The following MAST4 variants were observed in gnomAD, a reference collection of about 807,000 sequenced individuals.
MAST4 encodes microtubule associated serine/threonine kinase family member 4.
Under a neutral mutation model 162.7 loss-of-function variants are expected in MAST4, and 89 were observed. The ratio of observed to expected loss-of-function variants is 0.55; its 90% CI spans 0.46 to 0.65. The LOEUF is 0.65. MAST4 is among the 30% of genes least tolerant of loss of function. The pLI is 0.00. For missense variants in MAST4, 3,153 were observed against 3,374.0 expected, an observed-to-expected ratio of 0.93 and a Z score of 1.62; for synonymous variants, 1,479 against 1,361.1, an observed-to-expected ratio of 1.09 and a Z score of -1.91.
chr5:67,079,304 CT>C (rs1206768919), intron 5 of MAST4, among the ~76,000 whole-genome samples: 1 of 151,808 alleles, frequency 6.6e-6, no homozygotes, highest in African/African-American at 2.4e-5. Flanking sequence ...TTTAGATGGG[CT>C]AACACAGAAA....
At chr5:67,061,488 G>T (rs565869636) in intron 5 of MAST4, among the ~76,000 whole-genome samples, 1 of 149,276 alleles carries the variant, frequency 6.7e-6, no homozygotes, top group South Asian at 2.1e-4. Context: ...TTTTCAATTT[G>T]CCATTTCCCT....
Position 66,953,442 on chromosome 5 carries a change from A to G in MAST4, c.674+53460A>G, listed in dbSNP as rs147702360. Among the ~76,000 whole-genome samples, 727 of 152,188 alleles carry G rather than the reference A, an allele frequency of 4.8e-3. 6 individuals carry two copies. The highest frequency in any genetic ancestry group is 0.016 in the African/African-American group (684 of 41,520). Reference sequence around the variant, plus strand: ...TAAGCAGTGGTGAAGCTTATTTTGTATGTAGTTTGGATCATATTGCTTTTA... The same window carrying G: ...TAAGCAGTGGTGAAGCTTATTTTGTGTGTAGTTTGGATCATATTGCTTTTA... On this transcript the variant is annotated intron_variant, in intron 4 of 28. Transcript: ENST00000403625.
chr5:66,977,262 G>C (rs1324643897), intron 4 of MAST4, among the ~76,000 whole-genome samples: 1 of 152,058 alleles, frequency 6.6e-6, no homozygotes. Flanking sequence ...CACCACGCCT[G>C]GCTAATTTTG....
chr5:67,075,279 C>T (rs943811422), intron 5 of MAST4, among the ~76,000 whole-genome samples: 4 of 151,478 alleles, frequency 2.6e-5, no homozygotes, highest in Non-Finnish European at 5.9e-5. Context: ...TCAGGTGATC[C>T]TCCCACCTCA....
intron 4 of MAST4, among the ~76,000 whole-genome samples, chr5:66,912,379 C>A (rs1236572100): frequency 3.9e-5 from 6 of 152,158 alleles, no homozygotes. Flanking sequence ...AATCAAGAAT[C>A]AATTATCTGC....
chr5:67,164,816 C>A lies in MAST4; in HGVS notation c.5637C>A (p.Pro1879=). ...SYLLEPWFLP[P]SRGLQNSPAV... ...TGCTGGAGCCTTGGTTCCTGCCCCC[C>A]AGCCGAGGTCTCCAGAATTCACCAG... The change falls in exon 29 of 29, where the codon CCC becomes CCA. Residue 1879 remains proline (P), a synonymous_variant. Coordinates refer to ENST00000403625, the MANE Select transcript of MAST4 (RefSeq NM_001164664.2). The surrounding 1 kb of genome is among the most constrained non-coding windows in gnomAD (Gnocchi z 5.3). 6.2e-7 allele frequency: 1 copy of A among 1,614,018 alleles called. No homozygotes were observed. Among genetic ancestry groups the A allele is most frequent in the Non-Finnish European group, 8.5e-7 (1 of 1,179,892 alleles).
intron 4 of MAST4, among the ~76,000 whole-genome samples, chr5:67,013,910 A>T (rs1752979591): frequency 6.6e-6 from 1 of 152,216 alleles, no homozygotes; most frequent in South Asian, 2.1e-4. Flanking sequence ...AGTGGCTATT[A>T]TGTAATGTTA....
Position 66,703,060 on chromosome 5 carries a change from A to G in MAST4, c.364-56649A>G, listed in dbSNP as rs895804454. 5.3e-5 allele frequency among the ~76,000 whole-genome samples: 8 copies of G among 152,220 alleles called. No homozygotes were observed. The East Asian group carries it at 1.5e-3, about 29-fold the overall frequency. ...AGGATTCATTATGGATTAAATGCAC[A>G]TCCTTGTGGCTCCCCTCCCCTGACG... On this transcript the variant is annotated intron_variant, in intron 1 of 28. Transcript: ENST00000403625.
chr5:66,941,935 T>C (rs1486099478), intron 4 of MAST4, among the ~76,000 whole-genome samples: 2 of 152,090 alleles, frequency 1.3e-5, no homozygotes, highest in Non-Finnish European at 2.9e-5. Context: ...TCAGAACACA[T>C]AGAACAATTA....
At chr5:67,033,598 A>G (rs887930388) in intron 4 of MAST4, among the ~76,000 whole-genome samples, 2 of 152,190 alleles carry the variant, frequency 1.3e-5, no homozygotes, top group Non-Finnish European at 2.9e-5. Flanking sequence ...TTACAATGCT[A>G]AAGCAGTGAT....
At chr5:67,147,867 G>A (rs1368871200) in intron 23 of MAST4, among the ~76,000 whole-genome samples, 1 of 152,172 alleles carries the variant, frequency 6.6e-6, no homozygotes, top group Non-Finnish European at 1.5e-5. Context: ...TCCCTTTGTT[G>A]GTCAGATGGG....
chr5:66,780,382 C>T (rs1754804388), intron 2 of MAST4, among the ~76,000 whole-genome samples: 1 of 152,158 alleles, frequency 6.6e-6, no homozygotes, highest in African/African-American at 2.4e-5. Context: ...AAGCTGCAGA[C>T]CTTCGCAGTG....
At chr5:66,787,047 A>G (rs1292344326) in intron 2 of MAST4, among the ~76,000 whole-genome samples, 1 of 152,224 alleles carries the variant, frequency 6.6e-6, no homozygotes, top group Non-Finnish European at 1.5e-5. Context: ...GATGATAGGT[A>G]ATTTTTGTTC....
chr5:66,976,423 G>A (rs1161770741), intron 4 of MAST4, among the ~76,000 whole-genome samples: 3 of 152,214 alleles, frequency 2.0e-5, no homozygotes, highest in Non-Finnish European at 4.4e-5. Context: ...GCTTCTGTGA[G>A]CCAAGCACAA....
At chr5:66,798,368 G>A (rs1180802294) in intron 3 of MAST4, among the ~76,000 whole-genome samples, 1 of 152,140 alleles carries the variant, frequency 6.6e-6, no homozygotes, top group African/African-American at 2.4e-5. Flanking sequence ...CAAATAATAT[G>A]TAGAGGCATA....
rs560522751 is a variant in MAST4 at position 67,024,301 on chromosome 5, A to C, written c.675-30103A>C. Among the ~76,000 whole-genome samples the C allele has an allele frequency of 1.2e-4, 18 of 148,276 alleles. No homozygotes were observed. In the South Asian group the frequency reaches 3.9e-3, roughly 32 times the overall value. ...CACGATGGAACACTGTTCAGCCTGAAACAAGGAAGATATATATATATATCT... is the reference window on the plus strand; with the variant it reads ...CACGATGGAACACTGTTCAGCCTGACACAAGGAAGATATATATATATATCT... On this transcript the variant is annotated intron_variant, in intron 4 of 28. Coordinates refer to ENST00000403625, the MANE Select transcript of MAST4 (RefSeq NM_001164664.2).
intron 4 of MAST4, among the ~76,000 whole-genome samples, chr5:66,944,025 C>G (rs1481044341): frequency 6.6e-6 from 1 of 152,044 alleles, no homozygotes; most frequent in Non-Finnish European, 1.5e-5. Flanking sequence ...GTTCTTTGCT[C>G]TATTGATTTG....
chr5:66,976,679 G>T (rs1179107029), intron 4 of MAST4, among the ~76,000 whole-genome samples: 1 of 152,208 alleles, frequency 6.6e-6, no homozygotes, highest in African/African-American at 2.4e-5. Flanking sequence ...TAGCATTCAG[G>T]AGGGAGATCT....
intron 4 of MAST4, among the ~76,000 whole-genome samples, chr5:66,958,618 C>T (rs1745607427): frequency 6.6e-6 from 1 of 152,140 alleles, no homozygotes; most frequent in Non-Finnish European, 1.5e-5. Flanking sequence ...TCTGACTTCC[C>T]CCAAATTAAT....
Sources: allele counts gnomAD v4.1 joint callset (sites outside exome capture counted in the v4.1 genomes callset), GRCh38; gene constraint gnomAD v4.1.1; non-coding constraint Gnocchi (gnomAD v3.1); transcripts MANE v1.5; gene names NCBI Gene and HGNC (gene_info 2026-07-23, HGNC 2026-07-21).